QTGAL: variants seen among roughly 807,000 people sequenced by gnomAD.
QTGAL encodes the protein BGnT-like protein 1.
chr17:82,955,334 T>G, the QTGAL span, among the ~76,000 whole-genome samples: 1 of 152,096 alleles, frequency 6.6e-6, no homozygotes, highest in African/African-American at 2.4e-5. Context: ...AAAGAAGACA[T>G]GTGGCCAAGA....
At chr17:83,008,327 C>T in the QTGAL span, among the ~76,000 whole-genome samples, 8 of 152,322 alleles carry the variant, frequency 5.3e-5, no homozygotes, top group African/African-American at 1.2e-4. Context: ...TGCCAACAGG[C>T]GGAGCAGAAA....
chr17:82,965,877 C>T, the QTGAL span: 1 of 942,038 alleles, frequency 1.1e-6, no homozygotes, highest in African/African-American at 1.7e-5. Context: ...AGGGTCAGGG[C>T]CTCAAGAGAC....
At chr17:82,984,588 GGTCGTGCAGGGAA>G in the QTGAL span, among the ~76,000 whole-genome samples, 3 of 151,422 alleles carry the variant, frequency 2.0e-5, no homozygotes, top group Non-Finnish European at 3.0e-5. Context: ...GAGGCTACAG[GGTCGTGCAGGGAA>G]AGGGTGCCAT....
At chr17:82,986,732 T>C in the QTGAL span, among the ~76,000 whole-genome samples, 25 of 152,240 alleles carry the variant, frequency 1.6e-4, no homozygotes, top group Non-Finnish European at 2.9e-4. Context: ...GTGATCCTTA[T>C]ACTAAGGTTT....
chr17:82,998,881 G>A, the QTGAL span, among the ~76,000 whole-genome samples: 1 of 151,798 alleles, frequency 6.6e-6, no homozygotes, highest in African/African-American at 2.4e-5. Context: ...ACGAAAAGAT[G>A]TTTCACATTA....
At chr17:83,012,809 G>A in the QTGAL span, among the ~76,000 whole-genome samples, 2 of 151,482 alleles carry the variant, frequency 1.3e-5, no homozygotes, top group Non-Finnish European at 2.9e-5. Context: ...CCCCACAAAG[G>A]AACTGGACTG....
At chr17:83,038,758 C>T in the QTGAL span, among the ~76,000 whole-genome samples, 3 of 152,034 alleles carry the variant, frequency 2.0e-5, no homozygotes, top group Non-Finnish European at 4.4e-5. Context: ...ACTTGGGAGG[C>T]TGAGGCAGGA....
At chr17:83,047,201 C>A in the QTGAL span, among the ~76,000 whole-genome samples, 2 of 152,170 alleles carry the variant, frequency 1.3e-5, no homozygotes, top group African/African-American at 4.8e-5. Context: ...CACAGAGGTG[C>A]CTTCTCCCTG....
At chr17:82,944,794 A>G in the QTGAL span, 129 of 152,346 alleles carry the variant, frequency 8.5e-4, no homozygotes, top group African/African-American at 2.5e-3. Flanking sequence ...TGAGCCCTGG[A>G]ATCTAGTCAC....
At chr17:83,041,413 A>G in the QTGAL span, among the ~76,000 whole-genome samples, 1 of 152,256 alleles carries the variant, frequency 6.6e-6, no homozygotes, top group Non-Finnish European at 1.5e-5. Context: ...TCCATGTAGG[A>G]TAAACACAGA....
At chr17:82,999,578 T>A in the QTGAL span, among the ~76,000 whole-genome samples, 2 of 152,228 alleles carry the variant, frequency 1.3e-5, no homozygotes, top group African/African-American at 2.4e-5. Context: ...ATTTTGTATG[T>A]TATATGTACT....
chr17:82,994,540 G>T, the QTGAL span, among the ~76,000 whole-genome samples: 15 of 151,986 alleles, frequency 9.9e-5, no homozygotes, highest in South Asian at 2.1e-4. Flanking sequence ...CAAGTAACAG[G>T]GTCAAAGTCA....
the QTGAL span, among the ~76,000 whole-genome samples, chr17:82,993,239 C>T: frequency 6.6e-6 from 1 of 152,102 alleles, no homozygotes; most frequent in African/African-American, 2.4e-5. Context: ...CACCTGGCTT[C>T]TAAAGAAACA....
chr17:83,047,261 T>C, the QTGAL span, among the ~76,000 whole-genome samples: 15 of 152,304 alleles, frequency 9.8e-5, 1 homozygote, highest in East Asian at 2.9e-3. Context: ...GCCTCTTTTA[T>C]AAGGGCACTA....
At chr17:82,946,789 G>T in the QTGAL span, 1 of 1,122,764 alleles carries the variant, frequency 8.9e-7, no homozygotes, top group Non-Finnish European at 1.3e-6. Context: ...AGGACTAACT[G>T]TAAAGAAAAT....
the QTGAL span, among the ~76,000 whole-genome samples, chr17:82,994,016 G>A: frequency 2.0e-5 from 3 of 151,990 alleles, no homozygotes; most frequent in African/African-American, 7.2e-5. Context: ...ACAGTACTAA[G>A]AAGGAAGTTT....
the QTGAL span, chr17:82,957,349 G>A: frequency 2.5e-6 from 4 of 1,613,526 alleles, no homozygotes; most frequent in South Asian, 1.1e-5. Context: ...GAGGGTGGCA[G>A]GATGCTCACC....
chr17:82,986,539 A>G, the QTGAL span, among the ~76,000 whole-genome samples: 1 of 152,236 alleles, frequency 6.6e-6, no homozygotes, highest in East Asian at 1.9e-4. Context: ...ATCTAAATGG[A>G]AGAAGGTCTT....
At chr17:83,020,633 G>A in the QTGAL span, among the ~76,000 whole-genome samples, 1 of 152,172 alleles carries the variant, frequency 6.6e-6, no homozygotes, top group East Asian at 1.9e-4. Context: ...CCTGCCCATC[G>A]GGAGACAAAG....
Sources: gnomAD v4.1 joint callset for allele counts (sites outside exome capture counted in the v4.1 genomes callset) on GRCh38, gnomAD v4.1.1 for gene constraint, MANE v1.5 for transcripts, NCBI Gene and HGNC (gene_info 2026-07-23, HGNC 2026-07-21) for gene names.